NEGR1: variants seen among roughly 807,000 people sequenced by gnomAD.
The protein encoded by NEGR1 is neuronal growth regulator 1.
NEGR1 carries 10 observed loss-of-function variants against 40.9 expected under a neutral mutation model. The ratio of observed to expected loss-of-function variants is 0.24; its 90% CI spans 0.15 to 0.42. The LOEUF (loss-of-function observed/expected upper bound fraction) is 0.42. Ranked by LOEUF, NEGR1 falls within the 10% of genes least tolerant of loss-of-function variation. NEGR1 has a pLI of 1.00. For synonymous variants in NEGR1, 185 were observed against 166.8 expected (o/e 1.11, Z -0.84); for missense variants, 352 against 438.9 (o/e 0.80, Z 1.77).
chr1:71,942,484 T>TATATATATATATATATATATA lies in NEGR1; in HGVS notation c.177-7174_177-7173insTATATATATATATATATATAT, dbSNP rs34446850. The stretch of plus-strand genomic sequence containing the variant: ...ATATATATATATATATATATATATA[T>TATATATATATATATATATATA]TTTTTTTTTTTTTTTTTTTTTTTTT... On this transcript the variant is annotated intron_variant, in intron 1 of 6. Coordinates refer to ENST00000357731, the MANE Select transcript of NEGR1 (RefSeq NM_173808.3). 3.2e-3 allele frequency among the ~76,000 whole-genome samples: 15 copies of TATATATATATATATATATATA among 4,714 alleles called. 1 individual carries two copies. Among genetic ancestry groups the TATATATATATATATATATATA allele is most frequent in the African/African-American group, 5.2e-3 (6 of 1,150 alleles). The allele number at this position is 4,714 out of a possible 152,430, so 3.1% of individuals were successfully genotyped here.
At chr1:71,419,634 G>T (rs763691358) in intron 6 of NEGR1, among the ~76,000 whole-genome samples, 3 of 152,170 alleles carry the variant, frequency 2.0e-5, no homozygotes, top group Non-Finnish European at 4.4e-5. Context: ...TATACCAGCA[G>T]CACTGCTTAA....
At chr1:71,716,964 C>T (rs1432996226) in intron 3 of NEGR1, among the ~76,000 whole-genome samples, 1 of 152,160 alleles carries the variant, frequency 6.6e-6, no homozygotes, top group African/African-American at 2.4e-5. Context: ...CACCATCCAA[C>T]ACACACACCT....
intron 2 of NEGR1, among the ~76,000 whole-genome samples, chr1:71,810,790 C>T (rs1657974211): frequency 6.6e-6 from 1 of 152,076 alleles, no homozygotes; most frequent in Admixed American, 6.6e-5. Context: ...GTGCCTGCTT[C>T]CTCTTTGCCT....
At chr1:72,234,647 A>G (rs115884117) in intron 1 of NEGR1, among the ~76,000 whole-genome samples, 2,563 of 152,234 alleles carry the variant, frequency 0.017, 87 homozygotes, top group African/African-American at 0.059. Context: ...ATACTTTTCA[A>G]AATAAGACAC....
chr1:71,506,723 C>A (rs1647037041), intron 6 of NEGR1, among the ~76,000 whole-genome samples: 1 of 152,034 alleles, frequency 6.6e-6, no homozygotes, highest in Non-Finnish European at 1.5e-5. Flanking sequence ...AAAGTTAGAC[C>A]AGACCTTAGG....
At chr1:72,048,315 A>T (rs1324483913) in intron 1 of NEGR1, among the ~76,000 whole-genome samples, 1 of 151,662 alleles carries the variant, frequency 6.6e-6, no homozygotes. Flanking sequence ...TGTTTCAATC[A>T]CAACTCCTTT....
intron 6 of NEGR1, among the ~76,000 whole-genome samples, chr1:71,416,649 C>T (rs753789088): frequency 3.9e-5 from 6 of 152,064 alleles, no homozygotes; most frequent in Non-Finnish European, 8.8e-5. Flanking sequence ...TAATAAAATC[C>T]AAAGGACTTT....
chr1:71,421,747 A>G (rs1646396307), intron 6 of NEGR1, among the ~76,000 whole-genome samples: 1 of 152,080 alleles, frequency 6.6e-6, no homozygotes, highest in South Asian at 2.1e-4. Flanking sequence ...GCAACCATAC[A>G]TTCTGATGTA....
At chr1:72,046,212 A>G (rs1423981336) in intron 1 of NEGR1, among the ~76,000 whole-genome samples, 1 of 151,744 alleles carries the variant, frequency 6.6e-6, no homozygotes, top group African/African-American at 2.4e-5. Flanking sequence ...AAAAAAGGTA[A>G]AGTTTGAGAG....
At chr1:71,570,631 T>C (rs1648778657) in intron 6 of NEGR1, among the ~76,000 whole-genome samples, 1 of 141,918 alleles carries the variant, frequency 7.0e-6, no homozygotes, top group Non-Finnish European at 1.5e-5. Flanking sequence ...ATAAACTTTG[T>C]TTATACTGGG....
chr1:71,786,932 C>A (rs1656932951), intron 2 of NEGR1, among the ~76,000 whole-genome samples: 1 of 152,188 alleles, frequency 6.6e-6, no homozygotes, highest in African/African-American at 2.4e-5. Context: ...GAGTTCTAGC[C>A]CACTGTGGTG....
chr1:71,512,520 GA>G (rs1275169185), intron 6 of NEGR1, among the ~76,000 whole-genome samples: 2 of 151,280 alleles, frequency 1.3e-5, no homozygotes, highest in Admixed American at 6.6e-5. Context: ...CTGTTGACAG[GA>G]AAACTATGTA....
At chr1:72,168,847 C>A (rs1651861844) in intron 1 of NEGR1, among the ~76,000 whole-genome samples, 1 of 152,134 alleles carries the variant, frequency 6.6e-6, no homozygotes, top group Non-Finnish European at 1.5e-5. Flanking sequence ...CTGCAGTGAG[C>A]TGAGATCACC....
intron 1 of NEGR1, among the ~76,000 whole-genome samples, chr1:71,968,905 C>G (rs1263545005): frequency 6.6e-6 from 1 of 152,138 alleles, no homozygotes. Context: ...ATGTTCCACT[C>G]TACTATAGGG....
chr1:71,687,086 G>C (rs1022671684), intron 4 of NEGR1, among the ~76,000 whole-genome samples: 17 of 152,180 alleles, frequency 1.1e-4, no homozygotes, highest in African/African-American at 3.9e-4. Context: ...CTAGGTCAAA[G>C]TATGATTTAT....
chr1:71,592,436 C>A (rs1022935190), intron 6 of NEGR1, among the ~76,000 whole-genome samples: 1 of 151,960 alleles, frequency 6.6e-6, no homozygotes, highest in Non-Finnish European at 1.5e-5. Flanking sequence ...GAAAACCAAC[C>A]AAGAGTAAAT....
intron 1 of NEGR1, among the ~76,000 whole-genome samples, chr1:72,269,614 A>T (rs919263188): frequency 6.6e-6 from 1 of 151,714 alleles, no homozygotes; most frequent in Non-Finnish European, 1.5e-5. Context: ...TAAAGTAGAA[A>T]AAGTATAGTT....
At chr1:71,513,658 G>A (rs555022540) in intron 6 of NEGR1, among the ~76,000 whole-genome samples, 2 of 152,192 alleles carry the variant, frequency 1.3e-5, no homozygotes, top group African/African-American at 2.4e-5. Context: ...GAGAAACTGA[G>A]ATTCACGGAA....
intron 6 of NEGR1, among the ~76,000 whole-genome samples, chr1:71,500,322 T>C (rs1445974159): frequency 6.6e-6 from 1 of 152,016 alleles, no homozygotes; most frequent in Admixed American, 6.6e-5. Flanking sequence ...TAGAATCATC[T>C]AAATGAAAAA....
Sources: gnomAD v4.1 joint callset for allele counts (sites outside exome capture counted in the v4.1 genomes callset) on GRCh38, gnomAD v4.1.1 for gene constraint, MANE v1.5 for transcripts, NCBI Gene and HGNC (gene_info 2026-07-23, HGNC 2026-07-21) for gene names.